KCTD10: variants seen among roughly 807,000 people sequenced by gnomAD.
KCTD10 encodes the protein BTB/POZ domain-containing adapter for CUL3-mediated RhoA degradation protein 3.
In KCTD10, 13 loss-of-function variants were observed where a neutral mutation model predicts 34.6. The ratio of observed to expected loss-of-function variants is 0.38; its 90% CI spans 0.24 to 0.60. The LOEUF is 0.60. Among genes scored for constraint, KCTD10 ranks in the 20% least tolerant of loss-of-function variants. The pLI, the probability that KCTD10 is intolerant of heterozygous loss-of-function variation, is 0.66. For synonymous variants in KCTD10, 156 were observed against 168.8 expected (o/e 0.92, Z 0.59); for missense variants, 256 against 420.3 (o/e 0.61, Z 3.42).
chr12:109,474,424 G>A (rs1874048165), intron 1 of KCTD10, among the ~76,000 whole-genome samples: 1 of 152,138 alleles, frequency 6.6e-6, no homozygotes, highest in Admixed American at 6.5e-5. Context: ...TAATGTTGCT[G>A]ATTCTAAACA....
In KCTD10 at chr12:109,451,660, G is replaced by A. The variant is rs759754083; in HGVS notation, c.877C>T (p.Arg293Trp). Residue 293 changes from arginine to tryptophan, a missense_variant, in exon 7 of 7, where the codon CGG becomes TGG. By Grantham distance (101) the Arg-to-Trp change is moderately radical. Around this residue, in one of 3 missense-constraint regions of KCTD10, gnomAD observed 60 missense variants for 89.0 expected, o/e 0.67. Coordinates refer to ENST00000228495, the MANE Select transcript of KCTD10 (RefSeq NM_031954.5). This position sits in a 1 kb window ranked among gnomAD's most constrained non-coding sequence, Gnocchi z 5.0. ...TGGATCCTCCGCACGCGCTCGATCC[G>A]CTCCCGCTCCTCGTCCTCGTCCAGG... ...HHLDEDEERERIERVRRIHIK... is the reference protein window; with the variant it reads ...HHLDEDEEREWIERVRRIHIK... The A allele has an allele frequency of 2.1e-5, 34 of 1,613,096 alleles. No individual in the cohort carries two copies. The highest frequency in any genetic ancestry group is 2.6e-5 in the Non-Finnish European group (31 of 1,179,862).
intron 2 of KCTD10, among the ~76,000 whole-genome samples, chr12:109,465,322 G>C (rs1023676031): frequency 1.3e-5 from 2 of 152,162 alleles, no homozygotes; most frequent in Non-Finnish European, 2.9e-5. Flanking sequence ...CATACAAACT[G>C]TACAGCACCA....
chr12:109,452,487 G>C (rs1872821118), intron 6 of KCTD10, among the ~76,000 whole-genome samples: 1 of 152,182 alleles, frequency 6.6e-6, no homozygotes, highest in Admixed American at 6.5e-5. Flanking sequence ...ACATAAGCAG[G>C]TCCCACACAT....
chr12:109,459,230 G>A (rs1374511009), intron 3 of KCTD10: 2 of 152,176 alleles, frequency 1.3e-5, no homozygotes, highest in African/African-American at 4.8e-5. Flanking sequence ...TAGAAGGGTT[G>A]AAAAGGTGAA....
intron 6 of KCTD10, among the ~76,000 whole-genome samples, chr12:109,455,877 G>A (rs997213333): frequency 2.6e-5 from 4 of 152,158 alleles, no homozygotes; most frequent in Non-Finnish European, 5.9e-5. Context: ...GTCCAGCCCA[G>A]TCAGGGAGTC....
intron 1 of KCTD10, among the ~76,000 whole-genome samples, chr12:109,476,488 G>C (rs958100265): frequency 2.0e-5 from 3 of 152,118 alleles, no homozygotes; most frequent in African/African-American, 7.2e-5. Flanking sequence ...ATCCCAAGCA[G>C]ACAAACCCCA....
intron 1 of KCTD10, among the ~76,000 whole-genome samples, chr12:109,473,506 G>C (rs968605138): frequency 6.6e-6 from 1 of 152,144 alleles, no homozygotes; most frequent in Admixed American, 6.5e-5. Context: ...TCTAATGGCA[G>C]ACGGCATGAC....
rs116479360 is a variant in KCTD10, at chr12:109,460,589, A to C, written c.387+47T>G. On this transcript the variant is annotated intron_variant, in intron 3 of 6. Transcript: ENST00000228495. This position sits in a 1 kb window ranked among gnomAD's most constrained non-coding sequence, Gnocchi z 4.5. ...GAGAGGGAAAATGAGGAAGGCAGGTAGGCTTGGTGCCTCTCCACCCATATG... is the reference window on the plus strand; with the variant it reads ...GAGAGGGAAAATGAGGAAGGCAGGTCGGCTTGGTGCCTCTCCACCCATATG... The C allele has an allele frequency of 1.2e-3, 1,874 of 1,565,374 alleles. 25 individuals carry two copies. The African/African-American group carries it at 0.023, about 19-fold the overall frequency.
At chr12:109,473,205 G>C (rs964001942) in intron 1 of KCTD10, among the ~76,000 whole-genome samples, 4 of 152,206 alleles carry the variant, frequency 2.6e-5, no homozygotes, top group African/African-American at 9.6e-5. Flanking sequence ...ACACCTAGTA[G>C]ATTGAGAGCT....
chr12:109,462,560 T>C (rs1274814852), intron 2 of KCTD10, among the ~76,000 whole-genome samples: 3 of 152,218 alleles, frequency 2.0e-5, no homozygotes, highest in Non-Finnish European at 4.4e-5. Context: ...TAATATCTTA[T>C]GCAACCCAGA....
At position 109,470,109 on chromosome 12, in the gene KCTD10, A is replaced by G. The variant is rs149672656; in HGVS notation, c.4-381T>C. The G allele has an allele frequency of 4.4e-4, 464 of 1,054,084 alleles. 4 individuals carry two copies. In the African/African-American group the frequency reaches 7.2e-3, roughly 16 times the overall value. 65.3% of individuals were successfully genotyped at this position (1,054,084 alleles called of 1,614,324 possible). ...TGTTATAAGCACTTCCTTTCTGCCT[A>G]GCACCTGTATACATGAACACCCTGG... On this transcript the variant is annotated intron_variant, in intron 1 of 6. Coordinates refer to ENST00000228495, the MANE Select transcript of KCTD10 (RefSeq NM_031954.5).
chr12:109,470,636 A>G (rs1873840535), intron 1 of KCTD10: 1 of 979,430 alleles, frequency 1.0e-6, no homozygotes, highest in Non-Finnish European at 1.2e-6. Flanking sequence ...TACCATTCCC[A>G]TTGAACATCA....
At chr12:109,458,137 G>A (rs774498936) in intron 3 of KCTD10, 59 bp from the exon 4 acceptor site, 316 of 1,407,188 alleles carry the variant, frequency 2.2e-4, no homozygotes, top group Non-Finnish European at 3.0e-4. Context: ...CATTTTTAAA[G>A]TTGACCGGCT....
chr12:109,457,764 G>A (rs1052617228), intron 4 of KCTD10, 82 bp from the exon 5 acceptor site: 1 of 1,388,214 alleles, frequency 7.2e-7, no homozygotes, highest in Non-Finnish European at 1.0e-6. Context: ...TAGGGCTGGG[G>A]CCCTGCCCTG....
chr12:109,452,783 G>A (rs1230468173), intron 6 of KCTD10, among the ~76,000 whole-genome samples: 1 of 151,622 alleles, frequency 6.6e-6, no homozygotes, highest in Non-Finnish European at 1.5e-5. Context: ...GTCTCTAGTG[G>A]CCAGGGAGGC....
In KCTD10 at chr12:109,460,872, T is replaced by A; in HGVS notation, c.218-67A>T. On this transcript the variant is annotated intron_variant, in intron 2 of 6. Coordinates refer to ENST00000228495, the MANE Select transcript of KCTD10 (RefSeq NM_031954.5). This position sits in a 1 kb window ranked among gnomAD's most constrained non-coding sequence, Gnocchi z 4.5. ...TCTTGTGGGAGGCCCTGAGCAGAGC[T>A]GGGGTGTCTCTCGGCTCCCTCTACC... 6.6e-7 allele frequency: 1 copy of A among 1,504,876 alleles called. No homozygotes were observed. Among genetic ancestry groups the A allele is most frequent in the Non-Finnish European group, 9.1e-7 (1 of 1,095,036 alleles). The allele number at this position is 1,504,876 out of a possible 1,614,324, so 93.2% of individuals were successfully genotyped here.
rs1873287597 is a variant in KCTD10, at chr12:109,460,896, C to A, written c.218-91G>T. 6.8e-6 allele frequency: 9 copies of A among 1,318,800 alleles called. No homozygotes were observed. Among genetic ancestry groups the A allele is most frequent in the African/African-American group, 1.5e-5 (1 of 68,882 alleles). The allele number at this position is 1,318,800 out of a possible 1,614,324, so 81.7% of individuals were successfully genotyped here. ...CTGGGGTGTCTCTCGGCTCCCTCTA[C>A]CTCCCAGCGGAGAGCGGGACTGCCT... On this transcript the variant is annotated intron_variant, in intron 2 of 6. Coordinates refer to ENST00000228495, the MANE Select transcript of KCTD10 (RefSeq NM_031954.5). This position sits in a 1 kb window ranked among gnomAD's most constrained non-coding sequence, Gnocchi z 4.5.
At chr12:109,470,859 T>G (rs1873849778) in intron 1 of KCTD10, 1 of 165,784 alleles carries the variant, frequency 6.0e-6, no homozygotes, top group Admixed American at 6.5e-5. Flanking sequence ...CCATTCTTCC[T>G]GCTTTCAAGT....
At chr12:109,470,566 G>C (rs1185254345) in intron 1 of KCTD10, 2 of 985,300 alleles carry the variant, frequency 2.0e-6, no homozygotes, top group African/African-American at 3.5e-5. Flanking sequence ...TGTAGAGGTG[G>C]AGATGTGCAA....
Sources: gnomAD v4.1 joint callset for allele counts (sites outside exome capture counted in the v4.1 genomes callset) on GRCh38, gnomAD v4.1.1 for gene constraint, gnomAD v4.1.1 regional missense constraint, Gnocchi (gnomAD v3.1) non-coding constraint, MANE v1.5 for transcripts, NCBI Gene and HGNC (gene_info 2026-07-23, HGNC 2026-07-21) for gene names.